Variants in KPNA3 observed in about 807,000 individuals in gnomAD.
The protein encoded by KPNA3 is importin subunit alpha-4.
KPNA3 carries 13 observed loss-of-function variants against 73.8 expected under a neutral mutation model. The ratio of observed to expected loss-of-function variants is 0.18; its 90% CI spans 0.11 to 0.28. The LOEUF is 0.28. Among genes scored for constraint, KPNA3 ranks in the 10% least tolerant of loss-of-function variants. The pLI is 1.00. For synonymous variants in KPNA3, 186 were observed against 206.9 expected (o/e 0.90, Z 0.87); for missense variants, 360 against 618.1 (o/e 0.58, Z 4.43).
intron 2 of KPNA3, among the ~76,000 whole-genome samples, chr13:49,743,248 T>A (rs2137565821): frequency 6.6e-6 from 1 of 152,198 alleles, no homozygotes; most frequent in East Asian, 1.9e-4. Flanking sequence ...TGTCACTAAA[T>A]AAAAACAATG....
rs563909268 is a variant in KPNA3, at chr13:49,713,674, C to CACACACAA, written c.772-2653_772-2652insTTGTGTGT. Among the ~76,000 whole-genome samples the CACACACAA allele has an allele frequency of 3.8e-3, 542 of 141,970 alleles. 2 individuals are homozygous for CACACACAA. Among genetic ancestry groups the CACACACAA allele is most frequent in the South Asian group, 0.014 (63 of 4,436 alleles). 93.1% of individuals were successfully genotyped at this position (141,970 alleles called of 152,430 possible). A position where few individuals can be genotyped will look rare whatever the true frequency, so the allele number is the denominator to read the frequency against. On this transcript the variant is annotated intron_variant, in intron 10 of 16. Transcript: ENST00000261667. ...ACACACACACACACACACACACACA[C>CACACACAA]AAAACAGAAAAACCCAACAACAAAA...
At position 49,701,510 on chromosome 13, in the gene KPNA3, G is replaced by A. The variant is rs1264092408; in HGVS notation, c.*290C>T. Reference sequence around the variant, plus strand: ...ACTATGGAATATTTATTCTAAACTGGAGACTGCAGTTGTCAGCCTGTGGCA... The same window carrying A: ...ACTATGGAATATTTATTCTAAACTGAAGACTGCAGTTGTCAGCCTGTGGCA... On this transcript the variant is annotated 3_prime_UTR_variant, in exon 17 of 17. Coordinates refer to ENST00000261667, the MANE Select transcript of KPNA3 (RefSeq NM_002267.4). The A allele has an allele frequency of 1.5e-5, 8 of 517,020 alleles. No individual in the cohort carries two copies. The highest frequency in any genetic ancestry group is 2.7e-5 in the Non-Finnish European group (7 of 257,396). The allele number at this position is 517,020 out of a possible 1,614,324, so 32.0% of individuals were successfully genotyped here. A position where few individuals can be genotyped will look rare whatever the true frequency, so the allele number is the denominator to read the frequency against.
At chr13:49,761,067 A>AAT (rs1954754808) in intron 1 of KPNA3, among the ~76,000 whole-genome samples, 1 of 152,230 alleles carries the variant, frequency 6.6e-6, no homozygotes, top group Non-Finnish European at 1.5e-5. Context: ...GGACAAAAAC[A>AAT]GTATATGTTA....
At position 49,737,554 on chromosome 13, in the gene KPNA3, TGTGTGTCTGTGTGTGTG is replaced by T. The variant is rs1429509331; in HGVS notation, c.115-4525_115-4509del. 5.4e-5 allele frequency among the ~76,000 whole-genome samples: 7 copies of T among 128,824 alleles called. No individual in the cohort carries two copies. The East Asian group carries it at 1.6e-3, about 29-fold the overall frequency. 84.5% of individuals were successfully genotyped at this position (128,824 alleles called of 152,430 possible). On this transcript the variant is annotated intron_variant, in intron 2 of 16. Transcript: ENST00000261667. The stretch of plus-strand genomic sequence containing the variant: ...TTTTGTTTTTTCTTACTATTAAGTG[TGTGTGTCTGTGTGTGTG>T]TGTGTGTGTGTGTGTGTGTGTGTGT...
At chr13:49,722,400 A>G in intron 8 of KPNA3, 77 bp downstream of exon 8, 2 of 926,636 alleles carry the variant, frequency 2.2e-6, no homozygotes, top group Non-Finnish European at 3.4e-6. Flanking sequence ...CAGAGGAAAC[A>G]TAGTATGTAA....
Position 49,792,498 on chromosome 13 carries a change from C to G in KPNA3, c.9G>C (p.Glu3Asp). 1 of 1,579,638 alleles carries G rather than the reference C, an allele frequency of 6.3e-7. No homozygotes were observed. Among genetic ancestry groups the G allele is most frequent in the South Asian group, 1.1e-5 (1 of 87,956 alleles). Residue 3 changes from glutamate to aspartate, a missense_variant, in exon 1 of 17, where the codon GAG (glutamate) becomes GAC (aspartate). Physicochemically the swap from Glu to Asp is conservative, Grantham distance 45. This residue lies in a region of KPNA3 where 35 missense variants were observed against 30.0 expected (regional missense o/e 1.17). Coordinates refer to ENST00000261667, the MANE Select transcript of KPNA3 (RefSeq NM_002267.4). ...TGCGGTGGTTCTCCAAGCTGGGGTT[C>G]TCGGCCATGGCTGCGCGCGGCTCCG... MA[E>D]NPSLENHRIK...
At chr13:49,721,784 C>A (rs1954361398) in intron 9 of KPNA3, among the ~76,000 whole-genome samples, 171 bp downstream of exon 9, 1 of 152,220 alleles carries the variant, frequency 6.6e-6, no homozygotes. Context: ...CGCGCCACTG[C>A]ACTCCAGCCT....
intron 1 of KPNA3, among the ~76,000 whole-genome samples, chr13:49,784,238 A>C (rs1188581345): frequency 1.3e-5 from 2 of 152,106 alleles, no homozygotes; most frequent in Non-Finnish European, 2.9e-5. Flanking sequence ...AATGTTTAAA[A>C]ATTTTTTTTT....
At chr13:49,709,054 C>T (rs990377802) in intron 12 of KPNA3, among the ~76,000 whole-genome samples, 1 of 152,110 alleles carries the variant, frequency 6.6e-6, no homozygotes, top group Non-Finnish European at 1.5e-5. Flanking sequence ...CACAGGTAGT[C>T]TAAAAATGTT....
At chr13:49,763,252 T>C (rs931842634) in intron 1 of KPNA3, among the ~76,000 whole-genome samples, 2 of 152,136 alleles carry the variant, frequency 1.3e-5, no homozygotes, top group Admixed American at 1.3e-4. Context: ...ATTATTAAGT[T>C]AGACACATAA....
rs571305498 is a variant in KPNA3 at position 49,746,313 on chromosome 13, G to A, written c.114+636C>T. ...AAATAAACAAAAATTAGCTGGGTGTGGTGGTGTGCCTGTATTCACAGCTGG... is the reference window on the plus strand; with the variant it reads ...AAATAAACAAAAATTAGCTGGGTGTAGTGGTGTGCCTGTATTCACAGCTGG... On this transcript the variant is annotated intron_variant, in intron 2 of 16. Transcript: ENST00000261667. Among the ~76,000 whole-genome samples, 11 of 150,764 alleles carry A rather than the reference G, an allele frequency of 7.3e-5. 1 individual carries two copies. Among genetic ancestry groups the A allele is most frequent in the Non-Finnish European group, 1.6e-4 (11 of 67,982 alleles).
intron 11 of KPNA3, 34 bp downstream of exon 11, chr13:49,710,857 T>A (rs1376350286): frequency 6.3e-7 from 1 of 1,592,744 alleles, no homozygotes; most frequent in South Asian, 1.1e-5. Context: ...CAAACACAAC[T>A]GTATACAAAT....
chr13:49,728,285 G>A (rs1045037461), intron 6 of KPNA3, among the ~76,000 whole-genome samples: 1 of 151,524 alleles, frequency 6.6e-6, no homozygotes, highest in African/African-American at 2.4e-5. Context: ...AATCCACAGC[G>A]GCAAACAATC....
chr13:49,735,791 A>G (rs1252821055), intron 2 of KPNA3, among the ~76,000 whole-genome samples: 2 of 152,156 alleles, frequency 1.3e-5, no homozygotes, highest in African/African-American at 4.8e-5. Flanking sequence ...GTTTTTTACT[A>G]GGTTGAACCA....
intron 1 of KPNA3, among the ~76,000 whole-genome samples, chr13:49,765,411 A>G (rs1360586540): frequency 3.9e-5 from 6 of 152,252 alleles, no homozygotes; most frequent in Non-Finnish European, 7.3e-5. Context: ...GCTTTGAGAT[A>G]TAATTCACTT....
At chr13:49,708,090 G>A (rs373587616) in intron 12 of KPNA3, among the ~76,000 whole-genome samples, 1 of 151,702 alleles carries the variant, frequency 6.6e-6, no homozygotes, top group Admixed American at 6.6e-5. Context: ...CCACCTCCTG[G>A]GTTCATGCCA....
intron 1 of KPNA3, among the ~76,000 whole-genome samples, chr13:49,755,493 G>A (rs754162893): frequency 2.0e-5 from 3 of 152,146 alleles, no homozygotes; most frequent in Non-Finnish European, 4.4e-5. Context: ...GCATATAGAT[G>A]CAAAAGAAAG....
chr13:49,728,707 G>T (rs546807406), intron 6 of KPNA3, among the ~76,000 whole-genome samples: 20 of 152,242 alleles, frequency 1.3e-4, no homozygotes, highest in African/African-American at 4.1e-4. Flanking sequence ...CCTTCTAGAG[G>T]GCCAAAGAAT....
At chr13:49,706,663 CAG>C (rs1256460107) in intron 12 of KPNA3, among the ~76,000 whole-genome samples, 1 of 152,184 alleles carries the variant, frequency 6.6e-6, no homozygotes, top group African/African-American at 2.4e-5. Context: ...ATGAACAAAA[CAG>C]AAATCTTTAT....
Sources: allele counts gnomAD v4.1 joint callset (sites outside exome capture counted in the v4.1 genomes callset), GRCh38; gene constraint gnomAD v4.1.1; regional missense constraint gnomAD v4.1.1; transcripts MANE v1.5; gene names NCBI Gene and HGNC (gene_info 2026-07-23, HGNC 2026-07-21).